The following PRKG1 variants were observed in gnomAD, a reference collection of about 807,000 sequenced individuals.
PRKG1 encodes cGMP-dependent protein kinase 1.
PRKG1 carries 35 observed loss-of-function variants against 88.1 expected under a neutral mutation model. That is an observed-to-expected ratio of 0.40 (90% CI 0.30 to 0.53). The LOEUF is 0.53. Ranked by LOEUF, PRKG1 falls within the 20% of genes least tolerant of loss-of-function variation. PRKG1 has a pLI of 0.59. For synonymous variants in PRKG1, 303 were observed against 292.5 expected (o/e 1.04, Z -0.37); for missense variants, 540 against 839.8 (o/e 0.64, Z 4.41).
At chr10:52,026,752 G>A (rs920738507) in intron 5 of PRKG1, among the ~76,000 whole-genome samples, 4 of 152,150 alleles carry the variant, frequency 2.6e-5, no homozygotes, top group Admixed American at 6.6e-5. Flanking sequence ...CGAGGCACGC[G>A]GATCACCAAC....
chr10:51,280,758 C>T (rs1840272584), intron 2 of PRKG1, among the ~76,000 whole-genome samples: 1 of 152,174 alleles, frequency 6.6e-6, no homozygotes, highest in South Asian at 2.1e-4. Context: ...TTCTAGTTAG[C>T]CATTCTTCTA....
chr10:51,684,741 C>T (rs1331114406), intron 3 of PRKG1, among the ~76,000 whole-genome samples: 6 of 151,988 alleles, frequency 3.9e-5, no homozygotes, highest in Non-Finnish European at 7.4e-5. Context: ...GTGGTGCATG[C>T]CTGTGGCCCC....
At chr10:51,746,335 C>G (rs1256705382) in intron 3 of PRKG1, among the ~76,000 whole-genome samples, 1 of 151,926 alleles carries the variant, frequency 6.6e-6, no homozygotes, top group Non-Finnish European at 1.5e-5. Flanking sequence ...TACCTGCATA[C>G]CAACCTGAAG....
intron 1 of PRKG1, among the ~76,000 whole-genome samples, chr10:51,117,072 A>T (rs1845143089): frequency 6.6e-6 from 1 of 152,148 alleles, no homozygotes; most frequent in Non-Finnish European, 1.5e-5. Flanking sequence ...GCTCTCTCTT[A>T]TTGTGGAGCC....
At chr10:51,628,415 G>A (rs1049689710) in intron 3 of PRKG1, among the ~76,000 whole-genome samples, 17 of 151,414 alleles carry the variant, frequency 1.1e-4, no homozygotes, top group Non-Finnish European at 2.1e-4. Flanking sequence ...CACCCGCCTC[G>A]CCCTCCCAAA....
intron 2 of PRKG1, among the ~76,000 whole-genome samples, chr10:51,155,776 G>C (rs1846193192): frequency 6.6e-6 from 1 of 151,940 alleles, no homozygotes; most frequent in Non-Finnish European, 1.5e-5. Flanking sequence ...TCTTTCTAGG[G>C]GAAAGATGGG....
chr10:52,223,988 T>G (rs941777826), intron 9 of PRKG1, among the ~76,000 whole-genome samples: 22 of 152,310 alleles, frequency 1.4e-4, no homozygotes, highest in Admixed American at 1.0e-3. Context: ...CTTATCTTCA[T>G]ATTTCTGCCT....
intron 3 of PRKG1, among the ~76,000 whole-genome samples, chr10:51,688,226 C>T (rs1181446519): frequency 6.6e-6 from 1 of 151,992 alleles, no homozygotes; most frequent in Admixed American, 6.6e-5. Flanking sequence ...GGCTTTGATT[C>T]AGCAGGTCTG....
intron 14 of PRKG1, among the ~76,000 whole-genome samples, chr10:52,287,547 A>G (rs1013811527): frequency 3.3e-5 from 5 of 152,062 alleles, no homozygotes; most frequent in Admixed American, 2.6e-4. Context: ...AACCTGTATT[A>G]AAGAGAGTAA....
chr10:52,285,000 A>G (rs1047866290), intron 14 of PRKG1, among the ~76,000 whole-genome samples: 9 of 151,984 alleles, frequency 5.9e-5, no homozygotes, highest in Non-Finnish European at 1.0e-4. Flanking sequence ...AGGCTGGTGA[A>G]TTTCTCATTG....
At chr10:51,177,327 A>G (rs9415776) in intron 2 of PRKG1, among the ~76,000 whole-genome samples, 10,000 of 152,260 alleles carry the variant, frequency 0.066, 688 homozygotes, top group African/African-American at 0.17. Context: ...AATAAGTTGT[A>G]ATAAAAACCT....
At chr10:51,391,678 T>C (rs766274303) in intron 2 of PRKG1, among the ~76,000 whole-genome samples, 1 of 152,206 alleles carries the variant, frequency 6.6e-6, no homozygotes, top group Non-Finnish European at 1.5e-5. Flanking sequence ...CTTTGTTCCG[T>C]TGTTTTCCTG....
chr10:51,230,214 G>A (rs557580675), intron 2 of PRKG1, among the ~76,000 whole-genome samples: 7 of 152,132 alleles, frequency 4.6e-5, no homozygotes, highest in East Asian at 1.9e-4. Context: ...ACATGAATTC[G>A]ATATAGGTAA....
At chr10:51,563,458 A>G (rs907799163) in intron 3 of PRKG1, among the ~76,000 whole-genome samples, 2 of 152,108 alleles carry the variant, frequency 1.3e-5, no homozygotes, top group Non-Finnish European at 2.9e-5. Flanking sequence ...ATGCTAAATG[A>G]GTTTCTCAGT....
chr10:51,282,833 TTTTA>T (rs1840335743), intron 2 of PRKG1, among the ~76,000 whole-genome samples: 17 of 152,250 alleles, frequency 1.1e-4, no homozygotes, highest in Admixed American at 9.2e-4. Flanking sequence ...TTTTTTGAAT[TTTTA>T]TTTATTTATG....
At chr10:51,121,673 C>G (rs1197940998) in intron 1 of PRKG1, among the ~76,000 whole-genome samples, 1 of 152,030 alleles carries the variant, frequency 6.6e-6, no homozygotes, top group Non-Finnish European at 1.5e-5. Flanking sequence ...TAGTAAGTGA[C>G]AACCGTAAGA....
intron 2 of PRKG1, among the ~76,000 whole-genome samples, chr10:51,165,461 C>G (rs1223025692): frequency 6.6e-6 from 1 of 152,106 alleles, no homozygotes; most frequent in Non-Finnish European, 1.5e-5. Flanking sequence ...ATTGTAAAGA[C>G]CATCGAGGCT....
At chr10:51,489,628 GA>G (rs1840653435) in intron 3 of PRKG1, among the ~76,000 whole-genome samples, 1 of 152,098 alleles carries the variant, frequency 6.6e-6, no homozygotes, top group African/African-American at 2.4e-5. Context: ...AAAGCCAATA[GA>G]TTTTAAACAG....
At chr10:51,900,851 A>G (rs2132932155) in intron 4 of PRKG1, among the ~76,000 whole-genome samples, 1 of 152,278 alleles carries the variant, frequency 6.6e-6, no homozygotes, top group South Asian at 2.1e-4. Context: ...AACCATTCAA[A>G]TGATTTTGCT....
Sources: allele counts gnomAD v4.1 joint callset (sites outside exome capture counted in the v4.1 genomes callset), GRCh38; gene constraint gnomAD v4.1.1; transcripts MANE v1.5; gene names NCBI Gene and HGNC (gene_info 2026-07-23, HGNC 2026-07-21).